The following TPTE variants were observed in gnomAD, a reference collection of about 807,000 sequenced individuals.
TPTE encodes putative tyrosine-protein phosphatase TPTE.
TPTE carries 59 observed loss-of-function variants against 84.1 expected under a neutral mutation model. That is an observed-to-expected ratio of 0.70 (90% CI 0.57 to 0.87). TPTE has a LOEUF of 0.87. TPTE is among the 40% of genes least tolerant of loss of function. TPTE has a pLI of 0.00. For synonymous variants in TPTE, 130 were observed against 223.5 expected (o/e 0.58, Z 3.73); for missense variants, 382 against 659.6 (o/e 0.58, Z 4.61).
At chr21:10,544,624 T>G (rs1010990005) in intron 7 of TPTE, among the ~76,000 whole-genome samples, 1 of 152,302 alleles carries the variant, frequency 6.6e-6, no homozygotes, top group African/African-American at 2.4e-5. Flanking sequence ...GCCCTCGTGA[T>G]CCACCCGCCT....
At chr21:10,567,204 TG>T (rs2074939474) in intron 10 of TPTE, among the ~76,000 whole-genome samples, 3 of 150,154 alleles carry the variant, frequency 2.0e-5, no homozygotes, top group African/African-American at 7.4e-5. Context: ...GGTGGGGAGA[TG>T]GGGATGGTTA....
intron 5 of TPTE, among the ~76,000 whole-genome samples, chr21:10,541,909 A>G (rs931464540): frequency 3.3e-5 from 5 of 152,304 alleles, no homozygotes; most frequent in Non-Finnish European, 7.3e-5. Flanking sequence ...GCCACCACAG[A>G]GGCTGGTGCT....
intron 17 of TPTE, among the ~76,000 whole-genome samples, chr21:10,580,312 TTACTC>T (rs546017035): frequency 2.9e-4 from 44 of 152,322 alleles, no homozygotes; most frequent in African/African-American, 9.6e-4. Flanking sequence ...GGTTGTCTCT[TTACTC>T]TATAAATATC....
At chr21:10,528,714 A>G (rs1382218559) in intron 3 of TPTE, among the ~76,000 whole-genome samples, 2 of 152,308 alleles carry the variant, frequency 1.3e-5, no homozygotes, top group Non-Finnish European at 2.9e-5. Flanking sequence ...ATATTTTTTT[A>G]TATTTTGAAT....
chr21:10,598,259 G>A (rs1191424451), intron 21 of TPTE, among the ~76,000 whole-genome samples, 165 bp downstream of exon 21: 1 of 152,426 alleles, frequency 6.6e-6, no homozygotes, highest in Non-Finnish European at 1.5e-5. Context: ...GCAAACCAGA[G>A]ATAAATTAAC....
intron 3 of TPTE, among the ~76,000 whole-genome samples, chr21:10,527,687 G>A (rs1600850635): frequency 6.6e-6 from 1 of 152,424 alleles, no homozygotes; most frequent in East Asian, 1.9e-4. Context: ...GGAGAAAGAA[G>A]GTGGTAGCAT....
At chr21:10,568,177 A>C (rs2074965889) in intron 11 of TPTE, among the ~76,000 whole-genome samples, 1 of 152,310 alleles carries the variant, frequency 6.6e-6, no homozygotes, top group Non-Finnish European at 1.5e-5. Flanking sequence ...TATATCAAAA[A>C]AATTTATATT....
At chr21:10,582,241 G>C (rs1296680351) in intron 17 of TPTE, among the ~76,000 whole-genome samples, 187 of 152,064 alleles carry the variant, frequency 1.2e-3, no homozygotes, top group African/African-American at 4.3e-3. Flanking sequence ...TTTTCATATA[G>C]ATAGCCAATT....
intron 17 of TPTE, among the ~76,000 whole-genome samples, chr21:10,579,121 G>T (rs2075223225): frequency 6.6e-6 from 1 of 152,308 alleles, no homozygotes; most frequent in African/African-American, 2.4e-5. Context: ...AAAATCTACT[G>T]TCTCAGCAAT....
intron 3 of TPTE, among the ~76,000 whole-genome samples, chr21:10,538,449 G>T: frequency 6.6e-6 from 1 of 152,422 alleles, no homozygotes; most frequent in East Asian, 1.9e-4. Flanking sequence ...TAATAAAGAG[G>T]TTTATTTAAA....
intron 3 of TPTE, among the ~76,000 whole-genome samples, chr21:10,528,975 A>C (rs2074129956): frequency 6.6e-6 from 1 of 152,282 alleles, no homozygotes; most frequent in Admixed American, 6.5e-5. Flanking sequence ...CCACGAGGTC[A>C]GGAGTTCAAG....
At chr21:10,539,341 C>T (rs1238419375) in intron 4 of TPTE, among the ~76,000 whole-genome samples, 1 of 152,310 alleles carries the variant, frequency 6.6e-6, no homozygotes, top group East Asian at 1.9e-4. Flanking sequence ...AACACAAGCA[C>T]ACCACCTCAT....
chr21:10,551,432 T>TG (rs1555888284), intron 7 of TPTE, among the ~76,000 whole-genome samples: 2 of 150,662 alleles, frequency 1.3e-5, no homozygotes, highest in African/African-American at 5.0e-5. Flanking sequence ...ACTTAAAGTA[T>TG]AAAAAAAAAA....
At chr21:10,568,368 A>G (rs1462390078) in intron 11 of TPTE, among the ~76,000 whole-genome samples, 14 of 152,266 alleles carry the variant, frequency 9.2e-5, no homozygotes, top group African/African-American at 4.8e-5. Context: ...TGGCAACACA[A>G]TAGTAGAGTT....
At chr21:10,600,854 A>G (rs1978394819) in intron 21 of TPTE, among the ~76,000 whole-genome samples, 1 of 152,310 alleles carries the variant, frequency 6.6e-6, no homozygotes, top group African/African-American at 2.4e-5. Flanking sequence ...TGGTTACTCC[A>G]TCCAGCAGCC....
At chr21:10,568,389 G>A (rs1044100781) in intron 11 of TPTE, among the ~76,000 whole-genome samples, 1 of 152,312 alleles carries the variant, frequency 6.6e-6, no homozygotes. Context: ...TTGCAGTATA[G>A]TTGTGGTAGA....
intron 19 of TPTE, among the ~76,000 whole-genome samples, chr21:10,593,103 T>A (rs866295444): frequency 6.6e-6 from 1 of 152,306 alleles, no homozygotes; most frequent in East Asian, 1.9e-4. Flanking sequence ...GTATTTCAGC[T>A]GGCGCCAGTC....
intron 10 of TPTE, among the ~76,000 whole-genome samples, chr21:10,562,961 A>G (rs533849367): frequency 1.3e-3 from 201 of 152,302 alleles, no homozygotes; most frequent in African/African-American, 4.7e-3. Flanking sequence ...GCATTTAATA[A>G]TCACAGTCCC....
chr21:10,589,515 G>A (rs1162574106), intron 17 of TPTE, among the ~76,000 whole-genome samples: 1 of 152,276 alleles, frequency 6.6e-6, no homozygotes, highest in Admixed American at 6.5e-5. Flanking sequence ...GGTGCAGCCA[G>A]ATAGGGAAGA....
Sources: allele counts gnomAD v4.1 joint callset (sites outside exome capture counted in the v4.1 genomes callset), GRCh38; gene constraint gnomAD v4.1.1; transcripts MANE v1.5; gene names NCBI Gene and HGNC (gene_info 2026-07-23, HGNC 2026-07-21).